PEX5L: variants seen among roughly 807,000 people sequenced by gnomAD.
PEX5L encodes the protein PEX5-related protein.
In PEX5L, 30 loss-of-function variants were observed where a neutral mutation model predicts 84.0. The observed-to-expected ratio is 0.36, with a 90% CI of 0.27 to 0.48. The LOEUF is 0.48. Ranked by LOEUF, PEX5L falls within the 20% of genes least tolerant of loss-of-function variation. PEX5L has a pLI of 0.99. For missense variants in PEX5L, 533 were observed against 754.6 expected (o/e 0.71, Z 3.44); for synonymous variants, 270 against 283.1 (o/e 0.95, Z 0.46).
chr3:180,025,656 G>C (rs1025267310), intron 1 of PEX5L, among the ~76,000 whole-genome samples: 1 of 152,020 alleles, frequency 6.6e-6, no homozygotes, highest in Non-Finnish European at 1.5e-5. Context: ...CGTATGTAAG[G>C]CAAGGAATTG....
Position 180,020,425 on chromosome 3 carries a change from T to C in PEX5L, c.21+16154A>G, listed in dbSNP as rs180715235. ...TAAGATTTATACACATGATAAACTC[T>C]AGATACTATTTAAATTGCTTTTTTA... On this transcript the variant is annotated intron_variant, in intron 1 of 14. Transcript: ENST00000467460. 2.0e-4 allele frequency among the ~76,000 whole-genome samples: 30 copies of C among 152,170 alleles called. No individual in the cohort carries two copies. In the East Asian group the frequency reaches 3.1e-3, roughly 16 times the overall value.
At chr3:179,842,878 A>T (rs1425765652) in intron 8 of PEX5L, among the ~76,000 whole-genome samples, 1 of 152,088 alleles carries the variant, frequency 6.6e-6, no homozygotes, top group Non-Finnish European at 1.5e-5. Context: ...TTGGAAAGGG[A>T]CTTGTTAGGT....
chr3:179,887,545 T>C (rs1756281333), intron 4 of PEX5L, 128 bp downstream of exon 4: 2 of 686,106 alleles, frequency 2.9e-6, no homozygotes, highest in Non-Finnish European at 5.2e-6. Context: ...CTAAATAGTA[T>C]ACATTCTAAA....
intron 1 of PEX5L, among the ~76,000 whole-genome samples, chr3:180,003,486 A>G (rs1561049374): frequency 6.6e-6 from 1 of 152,152 alleles, no homozygotes; most frequent in East Asian, 1.9e-4. Context: ...TATTAGTGAT[A>G]TTTTAATTTT....
intron 1 of PEX5L, among the ~76,000 whole-genome samples, chr3:180,009,722 A>G (rs182055714): frequency 2.0e-5 from 3 of 151,476 alleles, no homozygotes; most frequent in African/African-American, 7.3e-5. Context: ...GCCTAGCTCT[A>G]TTTTTCTTTT....
At chr3:180,034,369 T>C (rs570711267) in intron 1 of PEX5L, among the ~76,000 whole-genome samples, 9 of 152,212 alleles carry the variant, frequency 5.9e-5, no homozygotes, top group Non-Finnish European at 8.8e-5. Context: ...ATTTTAATCA[T>C]ACACATTTTG....
intron 4 of PEX5L, among the ~76,000 whole-genome samples, chr3:179,882,588 C>G (rs1372696000): frequency 1.3e-5 from 2 of 152,208 alleles, no homozygotes; most frequent in Non-Finnish European, 2.9e-5. Context: ...GTGGGTGTAG[C>G]CTTTCACTCT....
At chr3:179,809,038 C>T (rs934494216) in intron 12 of PEX5L, among the ~76,000 whole-genome samples, 1 of 132,968 alleles carries the variant, frequency 7.5e-6, no homozygotes, top group East Asian at 2.2e-4. Flanking sequence ...TGTGCCACTG[C>T]ACTCCAGCCT....
intron 2 of PEX5L, among the ~76,000 whole-genome samples, chr3:179,958,842 T>C (rs1781283166): frequency 6.6e-6 from 1 of 152,080 alleles, no homozygotes; most frequent in South Asian, 2.1e-4. Context: ...CACCAAAAAT[T>C]GGAATAACAT....
chr3:180,009,085 A>C (rs1306969295), intron 1 of PEX5L, among the ~76,000 whole-genome samples: 2 of 152,210 alleles, frequency 1.3e-5, no homozygotes, highest in East Asian at 3.8e-4. Flanking sequence ...CCAGTTTTAA[A>C]AAAACTTATT....
chr3:179,962,816 A>T (rs7637337), intron 2 of PEX5L, among the ~76,000 whole-genome samples: 3 of 152,062 alleles, frequency 2.0e-5, no homozygotes. Flanking sequence ...TTTCATATAT[A>T]ACATCATTTT....
chr3:179,805,146 CTTTTTTTTTT>C lies in PEX5L; in HGVS notation c.1676+2518_1676+2527del, dbSNP rs777171015. 1.5e-3 allele frequency among the ~76,000 whole-genome samples: 131 copies of C among 86,464 alleles called. 2 individuals carry two copies. The highest frequency in any genetic ancestry group is 0.011 in the South Asian group (26 of 2,278). The allele number at this position is 86,464 out of a possible 152,430, so 56.7% of individuals were successfully genotyped here. On this transcript the variant is annotated intron_variant, in intron 14 of 14. Transcript: ENST00000467460. ...AAAAAATTACGTCTCACTCGATGGT[CTTTTTTTTTT>C]TTTTTTTTTTTTTCAGGAAAAAGCA...
intron 2 of PEX5L, among the ~76,000 whole-genome samples, chr3:179,961,523 G>A (rs769105062): frequency 2.6e-5 from 4 of 152,086 alleles, no homozygotes; most frequent in African/African-American, 4.8e-5. Flanking sequence ...AAGTAAAAGC[G>A]CAACCACAGA....
chr3:180,028,906 G>A (rs2108353138), intron 1 of PEX5L, among the ~76,000 whole-genome samples: 1 of 152,320 alleles, frequency 6.6e-6, no homozygotes, highest in East Asian at 1.9e-4. Flanking sequence ...AAGTGATTTA[G>A]AGAATAGAAA....
intron 1 of PEX5L, among the ~76,000 whole-genome samples, chr3:179,993,037 C>T (rs1579264355): frequency 1.3e-5 from 2 of 151,690 alleles, no homozygotes; most frequent in South Asian, 4.2e-4. Context: ...AAAAAAAACT[C>T]CCCCCCGTTA....
chr3:180,036,741 C>G lies in PEX5L; in HGVS notation c.-142G>C, dbSNP rs1057468110. The G allele has an allele frequency of 2.4e-6, 2 of 844,378 alleles. No homozygotes were observed. The highest frequency in any genetic ancestry group is 3.3e-5 in the African/African-American group (2 of 60,004). The allele number at this position is 844,378 out of a possible 1,614,324, so 52.3% of individuals were successfully genotyped here. A position where few individuals can be genotyped will look rare whatever the true frequency, so the allele number is the denominator to read the frequency against. ...TGAGCCCCCTGGAGCTCCGGGTACT[C>G]GGCCGGCCGGCGGCCACTCGGCAGC... On this transcript the variant is annotated 5_prime_UTR_variant, in exon 1 of 15. Coordinates refer to ENST00000467460, the MANE Select transcript of PEX5L (RefSeq NM_016559.3).
At chr3:180,001,496 T>A (rs569395149) in intron 1 of PEX5L, among the ~76,000 whole-genome samples, 16 of 151,644 alleles carry the variant, frequency 1.1e-4, no homozygotes, top group African/African-American at 3.6e-4. Context: ...AAAACAAATT[T>A]TTTTTTTGTT....
chr3:180,001,493 A>ATT (rs5854855), intron 1 of PEX5L, among the ~76,000 whole-genome samples: 4 of 149,136 alleles, frequency 2.7e-5, no homozygotes, highest in Admixed American at 6.7e-5. Context: ...AAGAAAACAA[A>ATT]TTTTTTTTTT....
At chr3:180,017,780 A>G (rs1790068009) in intron 1 of PEX5L, among the ~76,000 whole-genome samples, 1 of 152,196 alleles carries the variant, frequency 6.6e-6, no homozygotes, top group South Asian at 2.1e-4. Context: ...TAAGATGCTA[A>G]AAAATATTTG....
Sources: gnomAD v4.1 joint callset for allele counts (sites outside exome capture counted in the v4.1 genomes callset) on GRCh38, gnomAD v4.1.1 for gene constraint, MANE v1.5 for transcripts, NCBI Gene and HGNC (gene_info 2026-07-23, HGNC 2026-07-21) for gene names.